AHCTF1: variants seen among roughly 807,000 people sequenced by gnomAD.
AHCTF1 encodes AT-hook containing transcription factor 1.
Under a neutral mutation model 248.4 loss-of-function variants are expected in AHCTF1, and 24 were observed. That is an observed-to-expected ratio of 0.10 (90% CI 0.07 to 0.14). The LOEUF is 0.14. Ranked by LOEUF, AHCTF1 falls within the 10% of genes least tolerant of loss-of-function variation. The pLI is 1.00. For missense variants in AHCTF1, 2,206 were observed against 2,636.2 expected, an observed-to-expected ratio of 0.84 and a Z score of 3.57; for synonymous variants, 786 against 929.8, an observed-to-expected ratio of 0.85 and a Z score of 2.81.
intron 8 of AHCTF1, 126 bp downstream of exon 8, chr1:246,902,399 G>T: frequency 2.5e-6 from 3 of 1,203,340 alleles, no homozygotes; most frequent in South Asian, 1.5e-5. Context: ...ATATAGAACT[G>T]AATAAATTCC....
intron 30 of AHCTF1, among the ~76,000 whole-genome samples, chr1:246,856,222 A>C (rs1661101988): frequency 6.6e-6 from 1 of 152,212 alleles, no homozygotes; most frequent in African/African-American, 2.4e-5. Flanking sequence ...TTTTAATGCT[A>C]CCTAGAAAAA....
At chr1:246,858,045 T>A (rs540840495) in intron 29 of AHCTF1, among the ~76,000 whole-genome samples, 2 of 151,610 alleles carry the variant, frequency 1.3e-5, no homozygotes, top group Admixed American at 6.6e-5. Flanking sequence ...CTGCAAGCTC[T>A]GCCTCCCAGG....
At chr1:246,867,594 T>C (rs1662076317) in intron 25 of AHCTF1, 67 bp downstream of exon 25, 2 of 1,549,608 alleles carry the variant, frequency 1.3e-6, no homozygotes, top group Non-Finnish European at 1.8e-6. Flanking sequence ...GGATTGTTGA[T>C]GAACGCTGTT....
rs188124954 is a variant in AHCTF1, at chr1:246,854,338, C to T, written c.4355-1039G>A. ...AAAAATCTGTACATACTTCTGGACC[C>T]AACAAGTCCATGGTTAGGAATCTAC... On this transcript the variant is annotated intron_variant, in intron 31 of 35. Coordinates refer to ENST00000648844, the MANE Select transcript of AHCTF1 (RefSeq NM_001323342.2). 1.8e-3 allele frequency among the ~76,000 whole-genome samples: 271 copies of T among 151,586 alleles called. 1 individual carries two copies. The highest frequency in any genetic ancestry group is 4.6e-3 in the Admixed American group (70 of 15,206).
intron 1 of AHCTF1, chr1:246,931,083 A>G: frequency 6.5e-7 from 1 of 1,544,274 alleles, no homozygotes; most frequent in Middle Eastern, 1.7e-4. Flanking sequence ...CTGGAACCTC[A>G]CGGCTGAGCC....
At position 246,900,071 on chromosome 1, in the gene AHCTF1, T is replaced by C; in HGVS notation, c.1426A>G (p.Asn476Asp). The change falls in exon 10 of 36, where the codon AAT becomes GAT. Residue 476 changes from asparagine to aspartate, a missense_variant. Asn to Asp is a conservative substitution (Grantham distance 23, BLOSUM62 1). Around this residue, in one of 6 missense-constraint regions of AHCTF1, gnomAD observed 650 missense variants for 870.8 expected, o/e 0.75. Coordinates refer to ENST00000648844, the MANE Select transcript of AHCTF1 (RefSeq NM_001323342.2). ...PEQFFNPSTY[N>D]FDATCLLNSG... ...ATGTTAAGGAAATACATACCAAAAT[T>C]ATAAGTGCTTGGATTAAAAAACTGC... 1 of 1,602,954 alleles carries C rather than the reference T, an allele frequency of 6.2e-7. No individual in the cohort carries two copies. The highest frequency in any genetic ancestry group is 8.5e-7 in the Non-Finnish European group (1 of 1,177,844).
intron 24 of AHCTF1, among the ~76,000 whole-genome samples, chr1:246,874,563 T>C (rs1662809527): frequency 6.6e-6 from 1 of 152,070 alleles, no homozygotes. Context: ...CCCAAAAAAA[T>C]ATAAAACCCA....
intron 4 of AHCTF1, among the ~76,000 whole-genome samples, chr1:246,909,149 T>A (rs1376795707): frequency 1.3e-5 from 2 of 149,106 alleles, no homozygotes; most frequent in Non-Finnish European, 3.0e-5. Context: ...AGGTGGCTCA[T>A]GCCTGTAATC....
intron 31 of AHCTF1, among the ~76,000 whole-genome samples, chr1:246,853,791 TAAA>T (rs1293649601): frequency 6.7e-6 from 1 of 149,306 alleles, no homozygotes; most frequent in Non-Finnish European, 1.5e-5. Flanking sequence ...AAAACATCAA[TAAA>T]AAAGCACAAA....
At chr1:246,919,291 C>T (rs1572467388) in intron 1 of AHCTF1, among the ~76,000 whole-genome samples, 1 of 152,296 alleles carries the variant, frequency 6.6e-6, no homozygotes, top group East Asian at 1.9e-4. Flanking sequence ...TGAGCAAGAA[C>T]AATACCCATT....
At chr1:246,873,728 A>G (rs934227026) in intron 24 of AHCTF1, among the ~76,000 whole-genome samples, 5 of 152,210 alleles carry the variant, frequency 3.3e-5, no homozygotes, top group African/African-American at 1.2e-4. Context: ...CCACAAGCCT[A>G]GCCTGTCCAA....
intron 3 of AHCTF1, among the ~76,000 whole-genome samples, chr1:246,914,626 T>C (rs1666020637): frequency 6.6e-6 from 1 of 152,208 alleles, no homozygotes. Context: ...ATGAAGTGAT[T>C]AATACTATTA....
At chr1:246,854,606 G>C (rs1292242306) in intron 31 of AHCTF1, among the ~76,000 whole-genome samples, 1 of 152,160 alleles carries the variant, frequency 6.6e-6, no homozygotes, top group African/African-American at 2.4e-5. Flanking sequence ...TTTTGATAAT[G>C]ATCATTTCTA....
intron 34 of AHCTF1, 98 bp from the exon 35 acceptor site, chr1:246,842,874 A>G: frequency 1.9e-6 from 2 of 1,039,348 alleles, no homozygotes; most frequent in Non-Finnish European, 1.4e-6. Context: ...AACACTGATG[A>G]ATTCAAACTC....
At chr1:246,868,837 GTGTTTTTTGTT>G (rs1451716247) in intron 24 of AHCTF1, among the ~76,000 whole-genome samples, 1 of 126,734 alleles carries the variant, frequency 7.9e-6, no homozygotes, top group East Asian at 2.3e-4. Context: ...CATTGTGTGT[GTGTTTTTTGTT>G]TTTTTTTTTT....
chr1:246,858,518 C>T (rs188410138), intron 29 of AHCTF1, among the ~76,000 whole-genome samples: 1 of 152,178 alleles, frequency 6.6e-6, no homozygotes, highest in African/African-American at 2.4e-5. Flanking sequence ...GTATGAAACC[C>T]CACCCACCAC....
chr1:246,861,271 C>A lies in AHCTF1; in HGVS notation c.3760G>T (p.Val1254Leu). The A allele has an allele frequency of 1.9e-6, 3 of 1,608,590 alleles. No homozygotes were observed. Among genetic ancestry groups the A allele is most frequent in the Non-Finnish European group, 2.5e-6 (3 of 1,176,666 alleles). Residue 1254 changes from valine to leucine, a missense_variant, in exon 29 of 36, where the codon GTA (valine) becomes TTA (leucine). Val to Leu is a conservative substitution (Grantham distance 32). This residue lies in a region of AHCTF1 where 955 missense variants were observed against 1,055.6 expected (regional missense o/e 0.90). Transcript: ENST00000648844. ...GCACATTTTTTAGGTGTAGTAAATA[C>A]TTCTAATTTGCTATCATCTGCAGCC... ...PGAADDSKLEVFTTPKKCAVP... is the reference protein window; with the variant it reads ...PGAADDSKLELFTTPKKCAVP...
At position 246,871,836 on chromosome 1, in the gene AHCTF1, AAAAT is replaced by A. The variant is rs567691421; in HGVS notation, c.3089-4029_3089-4026del. On this transcript the variant is annotated intron_variant, in intron 24 of 35. Coordinates refer to ENST00000648844, the MANE Select transcript of AHCTF1 (RefSeq NM_001323342.2). ...AGTGGCCTACTGCCAGGGTCACAAA[AAAAT>A]AAAAAATAAAAATTTGAGGTTATTA... Among the ~76,000 whole-genome samples, 881 of 152,210 alleles carry A rather than the reference AAAAT, an allele frequency of 5.8e-3. 7 individuals carry two copies. Among genetic ancestry groups the A allele is most frequent in the African/African-American group, 0.021 (861 of 41,512 alleles).
chr1:246,927,795 G>C (rs1198429335), intron 1 of AHCTF1, among the ~76,000 whole-genome samples: 1 of 152,068 alleles, frequency 6.6e-6, no homozygotes, highest in Non-Finnish European at 1.5e-5. Context: ...ACAAGGTCAA[G>C]AGACCCAGAC....
Sources: allele counts gnomAD v4.1 joint callset (sites outside exome capture counted in the v4.1 genomes callset), GRCh38; gene constraint gnomAD v4.1.1; regional missense constraint gnomAD v4.1.1; transcripts MANE v1.5; gene names NCBI Gene and HGNC (gene_info 2026-07-23, HGNC 2026-07-21).